AGBL4: variants seen among roughly 807,000 people sequenced by gnomAD.
AGBL4 encodes AGBL carboxypeptidase 4, also known as cytosolic carboxypeptidase 6.
Under a neutral mutation model 66.4 loss-of-function variants are expected in AGBL4, and 58 were observed. The observed-to-expected ratio is 0.87, with a 90% CI of 0.71 to 1.09. AGBL4 has a LOEUF of 1.09. AGBL4 is among the 50% of genes least tolerant of loss of function. The pLI is 0.00. For missense variants in AGBL4, 579 were observed against 631.0 expected, an observed-to-expected ratio of 0.92 and a Z score of 0.88; for synonymous variants, 234 against 222.9, an observed-to-expected ratio of 1.05 and a Z score of -0.44.
intron 6 of AGBL4, among the ~76,000 whole-genome samples, chr1:48,809,613 A>G (rs950668817): frequency 1.3e-5 from 2 of 152,204 alleles, no homozygotes; most frequent in African/African-American, 4.8e-5. Flanking sequence ...CTGCCTTAAC[A>G]GGTAGAGGAA....
chr1:49,947,753 G>A (rs1655351657), intron 1 of AGBL4, among the ~76,000 whole-genome samples: 1 of 149,980 alleles, frequency 6.7e-6, no homozygotes, highest in Admixed American at 6.7e-5. Context: ...AAGTCAAACT[G>A]TCACTATTTA....
chr1:49,420,483 G>T (rs976640373), intron 3 of AGBL4, among the ~76,000 whole-genome samples: 1 of 151,980 alleles, frequency 6.6e-6, no homozygotes, highest in Admixed American at 6.6e-5. Context: ...GGCGGATCAC[G>T]AGGTCAGGAG....
intron 3 of AGBL4, among the ~76,000 whole-genome samples, chr1:49,355,983 T>C (rs940813175): frequency 1.3e-5 from 2 of 152,182 alleles, no homozygotes; most frequent in Non-Finnish European, 2.9e-5. Context: ...CAATTCTTTC[T>C]TAGGGGAGAG....
intron 4 of AGBL4, among the ~76,000 whole-genome samples, chr1:49,119,145 C>G (rs1645597843): frequency 1.3e-5 from 2 of 152,272 alleles, no homozygotes; most frequent in South Asian, 4.1e-4. Flanking sequence ...TTTCAAAAAA[C>G]CAGCTCCTGG....
intron 3 of AGBL4, among the ~76,000 whole-genome samples, chr1:49,396,123 C>A (rs1017636538): frequency 1.3e-5 from 2 of 151,730 alleles, no homozygotes; most frequent in Non-Finnish European, 2.9e-5. Flanking sequence ...TAATCTTCAC[C>A]TATCTTCCTC....
At chr1:49,245,699 G>A in intron 4 of AGBL4, 71 bp downstream of exon 4, 1 of 1,021,154 alleles carries the variant, frequency 9.8e-7, no homozygotes, top group Non-Finnish European at 1.4e-6. Context: ...TCCATTAGTA[G>A]GTGTGTATAT....
At chr1:49,554,074 A>C (rs1653200080) in intron 3 of AGBL4, among the ~76,000 whole-genome samples, 1 of 152,202 alleles carries the variant, frequency 6.6e-6, no homozygotes, top group Non-Finnish European at 1.5e-5. Flanking sequence ...TCCAGGCAGC[A>C]GTGAGGTATG....
intron 2 of AGBL4, among the ~76,000 whole-genome samples, chr1:49,767,921 A>C (rs1204921577): frequency 6.6e-6 from 1 of 152,128 alleles, no homozygotes; most frequent in East Asian, 1.9e-4. Context: ...AACCCTGAAA[A>C]GACAAATATC....
At chr1:49,497,346 G>T (rs960532490) in intron 3 of AGBL4, among the ~76,000 whole-genome samples, 1 of 151,754 alleles carries the variant, frequency 6.6e-6, no homozygotes, top group African/African-American at 2.4e-5. Context: ...TGTTTTCTTT[G>T]CAGTGCTGAA....
At chr1:48,901,821 A>G (rs997725514) in intron 5 of AGBL4, among the ~76,000 whole-genome samples, 1 of 152,156 alleles carries the variant, frequency 6.6e-6, no homozygotes, top group Non-Finnish European at 1.5e-5. Context: ...TATATTGTTT[A>G]TAATTTGATT....
At chr1:48,846,436 T>A (rs1356152585) in intron 6 of AGBL4, among the ~76,000 whole-genome samples, 1 of 148,766 alleles carries the variant, frequency 6.7e-6, no homozygotes, top group Non-Finnish European at 1.5e-5. Context: ...TCATTTATAG[T>A]AGGCAAAATA....
chr1:49,352,157 T>C (rs1643923262), intron 3 of AGBL4, among the ~76,000 whole-genome samples: 1 of 152,138 alleles, frequency 6.6e-6, no homozygotes, highest in Non-Finnish European at 1.5e-5. Context: ...TTCAACATAC[T>C]CACAGAACAC....
At chr1:49,069,032 T>A (rs1290035783) in intron 4 of AGBL4, among the ~76,000 whole-genome samples, 1 of 152,230 alleles carries the variant, frequency 6.6e-6, no homozygotes, top group Non-Finnish European at 1.5e-5. Flanking sequence ...ATGTCTTCTT[T>A]TGAGAAGTGT....
At chr1:49,283,364 C>T (rs1644324295) in intron 3 of AGBL4, among the ~76,000 whole-genome samples, 1 of 152,208 alleles carries the variant, frequency 6.6e-6, no homozygotes, top group Non-Finnish European at 1.5e-5. Context: ...ACCAAAAACC[C>T]ATCTGTACAT....
At chr1:49,347,664 C>T (rs1168861215) in intron 3 of AGBL4, among the ~76,000 whole-genome samples, 2 of 151,676 alleles carry the variant, frequency 1.3e-5, no homozygotes, top group African/African-American at 4.8e-5. Context: ...TTGAGACCAT[C>T]CCGGCCAACA....
chr1:48,890,176 G>T (rs534315023), intron 5 of AGBL4, among the ~76,000 whole-genome samples: 1 of 152,104 alleles, frequency 6.6e-6, no homozygotes, highest in East Asian at 1.9e-4. Context: ...CTTTCACCCT[G>T]TCTCTCACGC....
chr1:49,172,056 T>A (rs899109068), intron 4 of AGBL4, among the ~76,000 whole-genome samples: 5 of 152,204 alleles, frequency 3.3e-5, no homozygotes, highest in Admixed American at 1.3e-4. Flanking sequence ...ATAATCTTAG[T>A]CACCAAAATA....
At chr1:48,833,197 G>C (rs1389011317) in intron 6 of AGBL4, among the ~76,000 whole-genome samples, 1 of 152,180 alleles carries the variant, frequency 6.6e-6, no homozygotes, top group Non-Finnish European at 1.5e-5. Context: ...GAGGCTGGAA[G>C]AGTTTTGAGG....
chr1:49,179,091 T>G (rs1646882435), intron 4 of AGBL4, among the ~76,000 whole-genome samples: 1 of 152,218 alleles, frequency 6.6e-6, no homozygotes, highest in African/African-American at 2.4e-5. Context: ...CATTATTATT[T>G]CCATAATGCT....
Sources: allele counts gnomAD v4.1 joint callset (sites outside exome capture counted in the v4.1 genomes callset), GRCh38; gene constraint gnomAD v4.1.1; transcripts MANE v1.5; gene names NCBI Gene and HGNC (gene_info 2026-07-23, HGNC 2026-07-21).